IMMP2L: variants seen among roughly 807,000 people sequenced by gnomAD.
IMMP2L encodes the protein inner mitochondrial membrane peptidase subunit 2, also known as mitochondrial inner membrane protease subunit 2.
In IMMP2L, 18 loss-of-function variants were observed where a neutral mutation model predicts 19.3. The ratio of observed to expected loss-of-function variants is 0.93; its 90% CI spans 0.64 to 1.38. The LOEUF is 1.38. Among genes scored for constraint, IMMP2L ranks in the 40% most tolerant of loss-of-function variants. The pLI is 0.00. For missense variants in IMMP2L, 233 were observed against 218.2 expected (o/e 1.07, Z -0.43); for synonymous variants, 76 against 73.0 (o/e 1.04, Z -0.21).
At chr7:110,963,771 A>G (rs920159832) in intron 3 of IMMP2L, among the ~76,000 whole-genome samples, 2 of 151,994 alleles carry the variant, frequency 1.3e-5, no homozygotes, top group Admixed American at 6.6e-5. Context: ...CTGGGGGGGA[A>G]AAAAGCCATG....
intron 3 of IMMP2L, among the ~76,000 whole-genome samples, chr7:111,107,451 G>A (rs1330202467): frequency 6.6e-6 from 1 of 151,928 alleles, no homozygotes; most frequent in Admixed American, 6.6e-5. Flanking sequence ...AGAAATTCTG[G>A]ATAGTTCTTT....
At chr7:111,130,872 C>G (rs191519332) in intron 3 of IMMP2L, among the ~76,000 whole-genome samples, 6 of 152,026 alleles carry the variant, frequency 3.9e-5, no homozygotes. Context: ...GAAGAGTCAC[C>G]TATTCAATAA....
At chr7:110,721,581 A>C (rs941886072) in intron 5 of IMMP2L, among the ~76,000 whole-genome samples, 1 of 152,138 alleles carries the variant, frequency 6.6e-6, no homozygotes, top group Non-Finnish European at 1.5e-5. Context: ...AAACAAAAAA[A>C]CACAATTCTA....
At chr7:111,139,919 G>A (rs750521883) in intron 3 of IMMP2L, among the ~76,000 whole-genome samples, 21 of 152,064 alleles carry the variant, frequency 1.4e-4, no homozygotes, top group Non-Finnish European at 2.4e-4. Context: ...TTCAAAAACT[G>A]AAACTCTAAT....
rs10269177 is a variant in IMMP2L at position 111,160,316 on chromosome 7, G to A, written c.240-196751C>T. ...AGAGAACTGCTATACATAGGAAAAAGGATAAATCCCACTAACAAACCTTTG... is the reference window on the plus strand; with the variant it reads ...AGAGAACTGCTATACATAGGAAAAAAGATAAATCCCACTAACAAACCTTTG... On this transcript the variant is annotated intron_variant, in intron 3 of 5. Transcript: ENST00000405709. Among the ~76,000 whole-genome samples the A allele has an allele frequency of 2.0e-5, 3 of 152,028 alleles. No homozygotes were observed. In the East Asian group the frequency reaches 5.8e-4, roughly 29 times the overall value.
rs138375786 is a variant in IMMP2L, at chr7:111,488,288, C to T, written c.136-947G>A. On this transcript the variant is annotated intron_variant, in intron 2 of 5. Coordinates refer to ENST00000405709, the MANE Select transcript of IMMP2L (RefSeq NM_032549.4). ...CTGAGATTCTGGTGCACCCATCACC[C>T]GAGCAACGTACACTGTACCCAGTGT... is the stretch of plus-strand genomic sequence containing the variant. Among the ~76,000 whole-genome samples the T allele has an allele frequency of 5.2e-3, 797 of 152,174 alleles. 6 individuals are homozygous for T. Among genetic ancestry groups the T allele is most frequent in the Middle Eastern group, 0.027 (8 of 292 alleles).
At chr7:110,830,464 TTAAAG>T (rs71868707) in intron 5 of IMMP2L, among the ~76,000 whole-genome samples, 3,437 of 152,256 alleles carry the variant, frequency 0.023, 50 homozygotes, top group Non-Finnish European at 0.036. Context: ...TACAGTTTCC[TTAAAG>T]TAAAGTGGAC....
chr7:110,884,789 T>C lies in IMMP2L; in HGVS notation c.408+1804A>G, dbSNP rs554341930. The stretch of plus-strand genomic sequence containing the variant: ...AGTATACCTTACAAAAATTAGATTA[T>C]ATTTTTGTAATAATTACTATTCAAA... On this transcript the variant is annotated intron_variant, in intron 5 of 5. Coordinates refer to ENST00000405709, the MANE Select transcript of IMMP2L (RefSeq NM_032549.4). Among the ~76,000 whole-genome samples, 11 of 152,216 alleles carry C rather than the reference T, an allele frequency of 7.2e-5. No individual in the cohort carries two copies. In the East Asian group the frequency reaches 1.9e-3, roughly 27 times the overall value.
chr7:111,463,762 C>G (rs185159297), intron 3 of IMMP2L, among the ~76,000 whole-genome samples: 5 of 152,190 alleles, frequency 3.3e-5, no homozygotes, highest in African/African-American at 1.2e-4. Context: ...CCACCCATCC[C>G]TCTATAATGA....
chr7:111,486,469 C>T (rs575241163), intron 3 of IMMP2L, among the ~76,000 whole-genome samples: 100 of 152,254 alleles, frequency 6.6e-4, no homozygotes, highest in African/African-American at 2.3e-3. Context: ...AACACTGCTA[C>T]CTTAATTGCT....
chr7:111,005,571 C>T (rs918007057), intron 3 of IMMP2L, among the ~76,000 whole-genome samples: 3 of 152,106 alleles, frequency 2.0e-5, no homozygotes, highest in African/African-American at 7.2e-5. Flanking sequence ...TTTGCATCTG[C>T]CTCAATTAAG....
chr7:111,119,520 A>C (rs555420749), intron 3 of IMMP2L, among the ~76,000 whole-genome samples: 35 of 152,354 alleles, frequency 2.3e-4, no homozygotes, highest in African/African-American at 8.2e-4. Flanking sequence ...CTTAAAGTCT[A>C]ACATTCCTTT....
chr7:111,432,112 G>GAA (rs1554496407), intron 3 of IMMP2L, among the ~76,000 whole-genome samples: 1 of 151,688 alleles, frequency 6.6e-6, no homozygotes, highest in Non-Finnish European at 1.5e-5. Flanking sequence ...ATAGGGAAAG[G>GAA]TGCAGTCTTG....
intron 3 of IMMP2L, among the ~76,000 whole-genome samples, chr7:111,015,961 T>C (rs766459112): frequency 1.2e-4 from 18 of 152,232 alleles, no homozygotes; most frequent in Middle Eastern, 3.4e-3. Flanking sequence ...TCAACAACTA[T>C]TTTCTTAGAT....
At chr7:111,508,714 G>A (rs760254991) in intron 2 of IMMP2L, among the ~76,000 whole-genome samples, 4 of 152,146 alleles carry the variant, frequency 2.6e-5, no homozygotes, top group African/African-American at 7.2e-5. Context: ...AGGTGGGCAC[G>A]ACAGAGTAGA....
chr7:111,442,910 A>G lies in IMMP2L; in HGVS notation c.239+44328T>C, dbSNP rs140051377. ...TGGTTTGGACCTAGTTACAAATACC[A>G]TTTAAACAGAACAGAAAAAAAGCCT... On this transcript the variant is annotated intron_variant, in intron 3 of 5. Transcript: ENST00000405709. Among the ~76,000 whole-genome samples the G allele has an allele frequency of 3.8e-4, 58 of 152,022 alleles. 2 individuals carry two copies. Among genetic ancestry groups the G allele is most frequent in the African/African-American group, 1.4e-3 (57 of 41,310 alleles).
chr7:110,701,121 A>C (rs1794258225), intron 5 of IMMP2L, among the ~76,000 whole-genome samples: 5 of 152,226 alleles, frequency 3.3e-5, no homozygotes, highest in Admixed American at 3.3e-4. Context: ...GCGATCTTGA[A>C]TAGGCCATTC....
intron 5 of IMMP2L, among the ~76,000 whole-genome samples, chr7:110,706,286 T>C (rs182064815): frequency 6.6e-6 from 1 of 152,168 alleles, no homozygotes. Flanking sequence ...TATTATGTTG[T>C]AGAGATGAGG....
intron 5 of IMMP2L, among the ~76,000 whole-genome samples, chr7:110,714,399 A>G (rs1184392060): frequency 6.6e-6 from 1 of 152,156 alleles, no homozygotes; most frequent in Non-Finnish European, 1.5e-5. Context: ...ATAATGGCCT[A>G]AAGTTTTCTT....
Sources: gnomAD v4.1 joint callset for allele counts (sites outside exome capture counted in the v4.1 genomes callset) on GRCh38, gnomAD v4.1.1 for gene constraint, MANE v1.5 for transcripts, NCBI Gene and HGNC (gene_info 2026-07-23, HGNC 2026-07-21) for gene names.